The following TXNDC16 variants were observed in gnomAD, a reference collection of about 807,000 sequenced individuals.
TXNDC16 encodes thioredoxin domain-containing protein 16.
TXNDC16 carries 74 observed loss-of-function variants against 85.6 expected under a neutral mutation model. The ratio of observed to expected loss-of-function variants is 0.86; its 90% CI spans 0.72 to 1.05. The LOEUF (loss-of-function observed/expected upper bound fraction) is 1.05. Among genes scored for constraint, TXNDC16 ranks in the 50% least tolerant of loss-of-function variants. The probability of loss-of-function intolerance (pLI) is 0.00; values close to 1 mark genes in which losing one functional copy is unlikely to be tolerated. For synonymous variants in TXNDC16, 335 were observed against 326.5 expected (o/e 1.03, Z -0.28); for missense variants, 959 against 947.0 (o/e 1.01, Z -0.17).
chr14:52,507,085 A>T (rs1264847327), intron 9 of TXNDC16, among the ~76,000 whole-genome samples: 1 of 152,112 alleles, frequency 6.6e-6, no homozygotes, highest in Non-Finnish European at 1.5e-5. Context: ...AAGAGAAGGA[A>T]ATAAAGGGTA....
intron 9 of TXNDC16, among the ~76,000 whole-genome samples, chr14:52,508,494 G>T (rs1300172704): frequency 6.6e-6 from 1 of 152,192 alleles, no homozygotes; most frequent in African/African-American, 2.4e-5. Context: ...CAACCATTGT[G>T]GAAGTCAGTG....
chr14:52,538,577 T>C (rs1174601912), intron 4 of TXNDC16, among the ~76,000 whole-genome samples: 11 of 152,076 alleles, frequency 7.2e-5, no homozygotes, highest in South Asian at 2.1e-4. Context: ...TTTTTACAAA[T>C]ACAATACATA....
rs979150475 is a variant in TXNDC16 at position 52,519,267 on chromosome 14, T to C, written c.419A>G (p.Tyr140Cys). The change falls in exon 7 of 21, where the codon TAT (tyrosine) becomes TGT (cysteine). Residue 140 changes from tyrosine to cysteine, a missense_variant. Tyr to Cys is a radical substitution (Grantham distance 194). Transcript: ENST00000281741. ...LFALLFSEVK[Y>C]ITNLEDLQNI... ...CTGAAGGTCTTCCAGGTTGGTAATA[T>C]ATTTCACTTCACTAAAAAGAAGAGC... 7.5e-6 allele frequency: 12 copies of C among 1,601,040 alleles called. No individual in the cohort carries two copies. Among genetic ancestry groups the C allele is most frequent in the South Asian group, 1.1e-5 (1 of 90,004 alleles).
intron 8 of TXNDC16, 101 bp downstream of exon 8, chr14:52,514,778 AG>A (rs2037039357): frequency 1.2e-6 from 1 of 804,382 alleles, no homozygotes; most frequent in Non-Finnish European, 2.0e-6. Context: ...CCTTTATCTA[AG>A]CCCATGCTGT....
chr14:52,505,061 A>G (rs541953790), intron 9 of TXNDC16, among the ~76,000 whole-genome samples: 1 of 152,332 alleles, frequency 6.6e-6, no homozygotes, highest in East Asian at 1.9e-4. Flanking sequence ...GAGTAACCAG[A>G]TTCATAAAGC....
chr14:52,462,058 C>T (rs1316033546), intron 16 of TXNDC16, among the ~76,000 whole-genome samples: 1 of 152,174 alleles, frequency 6.6e-6, no homozygotes, highest in Non-Finnish European at 1.5e-5. Flanking sequence ...TTGTTAACAA[C>T]TTTGAAACTA....
intron 8 of TXNDC16, among the ~76,000 whole-genome samples, chr14:52,513,679 T>C (rs917076276): frequency 3.3e-5 from 5 of 151,452 alleles, no homozygotes; most frequent in Non-Finnish European, 5.9e-5. Context: ...TACATATATA[T>C]ACAGTATATA....
At position 52,493,206 on chromosome 14, in the gene TXNDC16, T is replaced by TACAC. The variant is rs71125111; in HGVS notation, c.757-2202_757-2201insGTGT. Among the ~76,000 whole-genome samples the TACAC allele has an allele frequency of 8.9e-3, 1,179 of 132,368 alleles. 22 individuals carry two copies. Among genetic ancestry groups the TACAC allele is most frequent in the African/African-American group, 0.03 (925 of 30,544 alleles). 86.8% of individuals were successfully genotyped at this position (132,368 alleles called of 152,430 possible). A position where few individuals can be genotyped will look rare whatever the true frequency, so the allele number is the denominator to read the frequency against. On this transcript the variant is annotated intron_variant, in intron 9 of 20. Transcript: ENST00000281741. ...CATGTCACTGTTCTATATATATATA[T>TACAC]ATATATATATACACACACACACACA...
intron 7 of TXNDC16, among the ~76,000 whole-genome samples, chr14:52,515,627 T>C (rs2037063157): frequency 7.3e-6 from 1 of 137,500 alleles, no homozygotes; most frequent in Non-Finnish European, 1.7e-5. Flanking sequence ...ACTCATTTCT[T>C]CTTCTCTTAT....
Position 52,482,847 on chromosome 14 carries a change from G to A in TXNDC16, c.1227C>T (p.Asp409=). ...ETFNATVMAS[D]SIVLFYAGWQ... is the part of the protein sequence containing the mutation. ...AACCAGCATAGAAGAGTACTATGCT[G>A]TCAGAAGCCATCACTGTTGCATTAA... The change falls in exon 13 of 21, where the codon GAC becomes GAT. Residue 409 remains aspartate (D), a synonymous_variant. Transcript: ENST00000281741. The A allele has an allele frequency of 5.6e-6, 9 of 1,611,786 alleles. No homozygotes were observed. Among genetic ancestry groups the A allele is most frequent in the Non-Finnish European group, 7.6e-6 (9 of 1,179,248 alleles).
At position 52,537,678 on chromosome 14, in the gene TXNDC16, A is replaced by G. The variant is rs1362564671; in HGVS notation, c.244-6T>C. The G allele has an allele frequency of 6.5e-7, 1 of 1,532,104 alleles. No individual in the cohort carries two copies. Among genetic ancestry groups the G allele is most frequent in the Non-Finnish European group, 9.0e-7 (1 of 1,109,564 alleles). The allele number at this position is 1,532,104 out of a possible 1,614,324, so 94.9% of individuals were successfully genotyped here. On this transcript the variant is annotated splice_region_variant and splice_polypyrimidine_tract_variant and intron_variant, in intron 4 of 20. Transcript: ENST00000281741. ...TCTTCTTTGACACAATTAACCTTTA[A>G]AAGAGTATACTTAAGTTTTAGCATA... is the stretch of plus-strand genomic sequence containing the variant.
chr14:52,440,526 T>C, intron 19 of TXNDC16, 38 bp downstream of exon 19: 1 of 1,480,074 alleles, frequency 6.8e-7, no homozygotes. Context: ...TATTACTTTC[T>C]TTACCTCTTA....
In TXNDC16 at chr14:52,489,609, C is replaced by T. The variant is rs564701616; in HGVS notation, c.984+782G>A. Among the ~76,000 whole-genome samples, 4 of 152,056 alleles carry T rather than the reference C, an allele frequency of 2.6e-5. No individual in the cohort carries two copies. The South Asian group carries it at 8.3e-4, about 32-fold the overall frequency. On this transcript the variant is annotated intron_variant, in intron 11 of 20. Coordinates refer to ENST00000281741, the MANE Select transcript of TXNDC16 (RefSeq NM_020784.3). The stretch of plus-strand genomic sequence containing the variant: ...TATTCACAGAAATTTTTGTAGTAAA[C>T]CTTTTAATTAAAGTATAACATTAAC...
At chr14:52,457,505 T>A (rs1404157243) in intron 16 of TXNDC16, among the ~76,000 whole-genome samples, 1 of 152,158 alleles carries the variant, frequency 6.6e-6, no homozygotes, top group Non-Finnish European at 1.5e-5. Context: ...GCAGAGTAAA[T>A]GGAGACAGCT....
intron 14 of TXNDC16, 24 bp downstream of exon 14, chr14:52,482,206 A>C (rs762313836): frequency 6.3e-7 from 1 of 1,579,216 alleles, no homozygotes. Flanking sequence ...CAGAATAATA[A>C]GCATGCATAG....
At chr14:52,464,846 T>C (rs1202058873) in intron 16 of TXNDC16, among the ~76,000 whole-genome samples, 1 of 151,970 alleles carries the variant, frequency 6.6e-6, no homozygotes, top group African/African-American at 2.4e-5. Flanking sequence ...GGCTGAGGCA[T>C]GAAAACTGCA....
intron 14 of TXNDC16, among the ~76,000 whole-genome samples, chr14:52,481,405 T>C (rs767533553): frequency 2.0e-5 from 3 of 152,138 alleles, no homozygotes; most frequent in Non-Finnish European, 2.9e-5. Flanking sequence ...CTAGAATCAA[T>C]TTCTTGAGTT....
At chr14:52,530,497 TAA>T in intron 6 of TXNDC16, among the ~76,000 whole-genome samples, 1 of 40,430 alleles carries the variant, frequency 2.5e-5, no homozygotes, top group African/African-American at 8.7e-5. Flanking sequence ...TTATATATAA[TAA>T]TATAATATAT....
chr14:52,455,198 A>C, intron 18 of TXNDC16, 126 bp downstream of exon 18: 1 of 1,040,156 alleles, frequency 9.6e-7, no homozygotes, highest in Non-Finnish European at 1.4e-6. Context: ...AATCCAGTAA[A>C]TCCTCAGCTC....
Sources: allele counts gnomAD v4.1 joint callset (sites outside exome capture counted in the v4.1 genomes callset), GRCh38; gene constraint gnomAD v4.1.1; transcripts MANE v1.5; gene names NCBI Gene and HGNC (gene_info 2026-07-23, HGNC 2026-07-21).